MYO10: variants seen among roughly 807,000 people sequenced by gnomAD.
MYO10 encodes unconventional myosin-X.
MYO10 carries 133 observed loss-of-function variants against 257.3 expected under a neutral mutation model. That is an observed-to-expected ratio of 0.52 (90% CI 0.45 to 0.60). The LOEUF (loss-of-function observed/expected upper bound fraction) is 0.60, where lower values mean the gene tolerates loss of function less well. MYO10 is among the 20% of genes least tolerant of loss of function. The pLI is 0.00. For synonymous variants in MYO10, 1,104 were observed against 1,028.6 expected, an observed-to-expected ratio of 1.07 and a Z score of -1.40; for missense variants, 2,399 against 2,635.7, an observed-to-expected ratio of 0.91 and a Z score of 1.97.
chr5:16,849,725 T>C (rs1392197150), intron 2 of MYO10, among the ~76,000 whole-genome samples: 1 of 152,224 alleles, frequency 6.6e-6, no homozygotes, highest in African/African-American at 2.4e-5. Context: ...AGGAGATACT[T>C]GTTCGCAAAA....
At chr5:16,742,115 G>A in intron 19 of MYO10, 1 of 985,284 alleles carries the variant, frequency 1.0e-6, no homozygotes, top group Non-Finnish European at 1.2e-6. Flanking sequence ...AAAGATTCTT[G>A]ATTTTAAAAG....
chr5:16,902,551 G>T, intron 1 of MYO10: 6 of 1,579,064 alleles, frequency 3.8e-6, no homozygotes, highest in Middle Eastern at 3.4e-4. Context: ...TTGTCCTTGG[G>T]CACGCATCGG....
At chr5:16,840,398 C>A (rs1399358512) in intron 2 of MYO10, among the ~76,000 whole-genome samples, 2 of 148,236 alleles carry the variant, frequency 1.3e-5, no homozygotes, top group Non-Finnish European at 3.0e-5. Context: ...GGCGACAGAG[C>A]GACACTCCAT....
chr5:16,798,124 G>A (rs931052396), intron 3 of MYO10, among the ~76,000 whole-genome samples: 1 of 152,166 alleles, frequency 6.6e-6, no homozygotes, highest in Non-Finnish European at 1.5e-5. Flanking sequence ...CAGCAAGAGG[G>A]TCCCACCAGA....
chr5:16,752,201 C>T (rs955734308), intron 19 of MYO10, among the ~76,000 whole-genome samples: 2 of 152,130 alleles, frequency 1.3e-5, no homozygotes, highest in Admixed American at 6.5e-5. Flanking sequence ...TTTCACACCA[C>T]GAAGAATGGG....
chr5:16,673,873 G>GA lies in MYO10; in HGVS notation c.4980dup (p.Pro1661SerfsTer17). 1 of 1,613,954 alleles carries GA rather than the reference G, an allele frequency of 6.2e-7. No individual in the cohort carries two copies. Among genetic ancestry groups the GA allele is most frequent in the Non-Finnish European group, 8.5e-7 (1 of 1,179,866 alleles). ...GCGTATTTTTCCATCTCGCTTCCTG[G>GA]AAACTGTTCCCGTATCCTAGGAGGC... On this transcript the variant is annotated frameshift_variant, in exon 36 of 41. Coordinates refer to ENST00000513610, the MANE Select transcript of MYO10 (RefSeq NM_012334.3). LOFTEE classifies it high-confidence loss of function.
rs373117763 is a variant in MYO10, at chr5:16,764,325, G to C, written c.1251C>G (p.Ile417Met). 1.2e-6 allele frequency: 2 copies of C among 1,613,788 alleles called. No homozygotes were observed. The highest frequency in any genetic ancestry group is 1.3e-5 in the African/African-American group (1 of 74,890). Reference sequence around the variant, plus strand: ...CCTCATTGCCTTTGATCCTGCTGTTGATCTTCTTGATTACCCACTCAAAGC... The same window carrying C: ...CCTCATTGCCTTTGATCCTGCTGTTCATCTTCTTGATTACCCACTCAAAGC... ...ACCFEWVIKK[I>M]NSRIKGNEDF... The change falls in exon 12 of 41, where the codon ATC (isoleucine) becomes ATG (methionine). Residue 417 changes from isoleucine (I) to methionine (M), a missense_variant. This residue lies in a region of MYO10 where 337 missense variants were observed against 446.8 expected (regional missense o/e 0.75). Coordinates refer to ENST00000513610, the MANE Select transcript of MYO10 (RefSeq NM_012334.3).
chr5:16,701,526 T>C lies in MYO10; in HGVS notation c.2869A>G (p.Ile957Val). 6.2e-7 allele frequency: 1 copy of C among 1,613,990 alleles called. No individual in the cohort carries two copies. Among genetic ancestry groups the C allele is most frequent in the East Asian group, 2.2e-5 (1 of 44,858 alleles). Residue 957 changes from isoleucine to valine, a missense_variant, in exon 25 of 41, where the codon ATC becomes GTC. By Grantham distance (29) the Ile-to-Val change is conservative. This residue lies in a region of MYO10 where 1,820 missense variants were observed against 1,939.4 expected (regional missense o/e 0.94). Transcript: ENST00000513610. The surrounding 1 kb of genome is among the most constrained non-coding windows in gnomAD (Gnocchi z 8.1). ...FDEIDECVRN[I>V]ERSLSVGSEF... ...CTTCCCACCGACAGGGACCGCTCGA[T>C]ATTCCGGACACACTCGTCGATCTCG...
Position 16,779,640 on chromosome 5 carries a change from A to G in MYO10, c.835T>C (p.Tyr279His), listed in dbSNP as rs1384362010. The G allele has an allele frequency of 6.3e-7, 1 of 1,592,164 alleles. No homozygotes were observed. The highest frequency in any genetic ancestry group is 2.2e-5 in the East Asian group (1 of 44,656). ...GLEHEEREEF[Y>H]LSTPENYHYL... ...TGGTAGTTTTCTGGCGTAGATAAAT[A>G]AAATTCTTCTACAGAAAGACAAAAA... The change falls in exon 9 of 41, where the codon TAT (tyrosine) becomes CAT (histidine). Residue 279 changes from tyrosine (Y) to histidine (H), a missense_variant. Coordinates refer to ENST00000513610, the MANE Select transcript of MYO10 (RefSeq NM_012334.3).
intron 1 of MYO10, among the ~76,000 whole-genome samples, chr5:16,901,029 C>T (rs557853258): frequency 1.3e-5 from 2 of 152,258 alleles, no homozygotes; most frequent in African/African-American, 4.8e-5. Context: ...CCACGCCTGG[C>T]CCCTTGCTTA....
rs771474583 is a variant in MYO10 at position 16,699,566 on chromosome 5, T to C, written c.3440A>G (p.Asp1147Gly). ...SSEGAQSSFE[D>G]SEEDFDSRFD... ...CCTGGAATCAAAGTCCTCTTCACTA[T>C]CTTCAAACTGGACCGAGAGAGAGAA... is the stretch of plus-strand genomic sequence containing the variant. Residue 1147 changes from aspartate to glycine, a missense_variant, in exon 26 of 41, where the codon GAT (aspartate) becomes GGT (glycine). Transcript: ENST00000513610. The C allele has an allele frequency of 6.2e-7, 1 of 1,613,474 alleles. No individual in the cohort carries two copies. The highest frequency in any genetic ancestry group is 2.2e-5 in the East Asian group (1 of 44,864).
chr5:16,831,089 T>C (rs1241522402), intron 2 of MYO10, among the ~76,000 whole-genome samples: 1 of 152,034 alleles, frequency 6.6e-6, no homozygotes, highest in East Asian at 1.9e-4. Flanking sequence ...CAAAAGATGA[T>C]ACACAAATGG....
At chr5:16,762,988 A>G (rs1203622782) in intron 14 of MYO10, among the ~76,000 whole-genome samples, 1 of 147,510 alleles carries the variant, frequency 6.8e-6, no homozygotes, top group Non-Finnish European at 1.5e-5. Flanking sequence ...AAAAAAAAAA[A>G]GTTGAATGTG....
chr5:16,847,071 T>C lies in MYO10; in HGVS notation c.121-28904A>G, dbSNP rs533829667. Among the ~76,000 whole-genome samples, 395 of 152,052 alleles carry C rather than the reference T, an allele frequency of 2.6e-3. 3 individuals carry two copies. Among genetic ancestry groups the C allele is most frequent in the African/African-American group, 9.1e-3 (376 of 41,448 alleles). On this transcript the variant is annotated intron_variant, in intron 2 of 40. Transcript: ENST00000513610. ...AGACAGAGATTGCAGTAAGCCGAGA[T>C]TGCACCACTGCACTCCAGCCTGGGC...
intron 2 of MYO10, among the ~76,000 whole-genome samples, chr5:16,822,354 T>C (rs1174866218): frequency 6.6e-6 from 1 of 152,144 alleles, no homozygotes; most frequent in Non-Finnish European, 1.5e-5. Context: ...TTTTTAAACA[T>C]TGTTTGGCTG....
In MYO10 at chr5:16,764,350, C is replaced by G; in HGVS notation, c.1226G>C (p.Cys409Ser). Residue 409 changes from cysteine (C) to serine (S), a missense_variant, in exon 12 of 41, where the codon TGC becomes TCC. Coordinates refer to ENST00000513610, the MANE Select transcript of MYO10 (RefSeq NM_012334.3). ...DSLAMALYAC[C>S]FEWVIKKINS... ...GATCTTCTTGATTACCCACTCAAAG[C>G]AGCACGCATACAGAGCCATGGCCAG... The G allele has an allele frequency of 6.2e-7, 1 of 1,613,926 alleles. No homozygotes were observed. Among genetic ancestry groups the G allele is most frequent in the Non-Finnish European group, 8.5e-7 (1 of 1,179,886 alleles).
intron 3 of MYO10, among the ~76,000 whole-genome samples, chr5:16,805,083 C>G (rs1162420205): frequency 6.6e-6 from 1 of 152,118 alleles, no homozygotes; most frequent in African/African-American, 2.4e-5. Context: ...AAGAAAAGTT[C>G]AACATGTAAC....
At position 16,874,355 on chromosome 5, in the gene MYO10, GGGGGT is replaced by G. The variant is rs1281236084; in HGVS notation, c.120+3249_120+3253del. On this transcript the variant is annotated intron_variant, in intron 2 of 40. Transcript: ENST00000513610. ...TCTAAAAAAAAAAGCGGGGGGGGGG[GGGGGT>G]TTCTTTTCTATCACATAGTCAGGCT... Among the ~76,000 whole-genome samples the G allele has an allele frequency of 7.5e-5, 8 of 106,256 alleles. 1 individual carries two copies. In the East Asian group the frequency reaches 1.7e-3, roughly 22 times the overall value. The allele number at this position is 106,256 out of a possible 152,430, so 69.7% of individuals were successfully genotyped here.
chr5:16,922,940 A>G (rs1205745261), intron 1 of MYO10, among the ~76,000 whole-genome samples: 1 of 152,068 alleles, frequency 6.6e-6, no homozygotes, highest in Non-Finnish European at 1.5e-5. Context: ...CTGAGGCAAG[A>G]GGATCCCTTG....
Sources: allele counts gnomAD v4.1 joint callset (sites outside exome capture counted in the v4.1 genomes callset), GRCh38; gene constraint gnomAD v4.1.1; regional missense constraint gnomAD v4.1.1; non-coding constraint Gnocchi (gnomAD v3.1); transcripts MANE v1.5; gene names NCBI Gene and HGNC (gene_info 2026-07-23, HGNC 2026-07-21).